The following PTH1R variants were observed in gnomAD, a reference collection of about 807,000 sequenced individuals.
PTH1R encodes the protein parathyroid hormone 1 receptor, also known as parathyroid hormone/parathyroid hormone-related peptide receptor.
PTH1R carries 32 observed loss-of-function variants against 70.7 expected under a neutral mutation model. That is an observed-to-expected ratio of 0.45 (90% CI 0.34 to 0.61). The LOEUF is 0.61. Ranked by LOEUF, PTH1R falls within the 20% of genes least tolerant of loss-of-function variation. PTH1R has a pLI of 0.01. For synonymous variants in PTH1R, 329 were observed against 324.8 expected (o/e 1.01, Z -0.14); for missense variants, 626 against 792.5 (o/e 0.79, Z 2.52).
chr3:46,895,364 C>A (rs148014549), intron 4 of PTH1R, among the ~76,000 whole-genome samples: 1 of 152,180 alleles, frequency 6.6e-6, no homozygotes, highest in Non-Finnish European at 1.5e-5. Flanking sequence ...CTGCTTTCAC[C>A]GTGCGCCCCC....
rs1407425824 is a variant in PTH1R at position 46,882,964 on chromosome 3, T to C, written c.-48-548T>C. 6.6e-6 allele frequency among the ~76,000 whole-genome samples: 1 copy of C among 150,596 alleles called. No homozygotes were observed. The highest frequency in any genetic ancestry group is 2.4e-5 in the African/African-American group (1 of 40,912). ...CAAAGTTGAGATCGCACCCCCTAAC[T>C]GCACGCCCCGCGCGGCTCAGAACGC... On this transcript the variant is annotated intron_variant, in intron 2 of 15. Coordinates refer to ENST00000449590, the MANE Select transcript of PTH1R (RefSeq NM_000316.3). This position sits in a 1 kb window ranked among gnomAD's most constrained non-coding sequence, Gnocchi z 4.3.
chr3:46,898,670 A>T lies in PTH1R; in HGVS notation c.647A>T (p.His216Leu). The T allele has an allele frequency of 2.5e-6, 4 of 1,612,266 alleles. No individual in the cohort carries two copies. The highest frequency in any genetic ancestry group is 3.4e-6 in the Non-Finnish European group (4 of 1,179,734). The change falls in exon 9 of 16, where the codon CAC becomes CTC. Residue 216 changes from histidine to leucine, a missense_variant. Physicochemically the swap from His to Leu is moderately conservative, Grantham distance 99. Coordinates refer to ENST00000449590, the MANE Select transcript of PTH1R (RefSeq NM_000316.3). ...TGTCGCGCGCCCCGCAGGCGGCTGCACTGCACGCGCAACTACATCCACATG... is the reference window on the plus strand; with the variant it reads ...TGTCGCGCGCCCCGCAGGCGGCTGCTCTGCACGCGCAACTACATCCACATG... Reference protein sequence around the residue: ...VLILAYFRRLHCTRNYIHMHL... With the variant: ...VLILAYFRRLLCTRNYIHMHL...
intron 3 of PTH1R, among the ~76,000 whole-genome samples, chr3:46,890,042 G>A (rs189938925): frequency 6.6e-6 from 1 of 152,292 alleles, no homozygotes; most frequent in East Asian, 1.9e-4. Context: ...TCCTCAGTCA[G>A]GGCAGAGGCA....
rs568209780 is a variant in PTH1R at position 46,903,633 on chromosome 3, G to A, written c.1759G>A (p.Glu587Lys). 2 of 1,611,248 alleles carry A rather than the reference G, an allele frequency of 1.2e-6. No homozygotes were observed. Among genetic ancestry groups the A allele is most frequent in the Admixed American group, 3.3e-5 (2 of 60,032 alleles). The change falls in exon 16 of 16, where the codon GAA (glutamate) becomes AAA (lysine). Residue 587 changes from glutamate (E) to lysine (K), a missense_variant. Physicochemically the swap from Glu to Lys is moderately conservative, Grantham distance 56 (BLOSUM62 1). This residue lies in a region of PTH1R where 495 missense variants were observed against 638.7 expected (regional missense o/e 0.77). Coordinates refer to ENST00000449590, the MANE Select transcript of PTH1R (RefSeq NM_000316.3). The surrounding 1 kb of genome is among the most constrained non-coding windows in gnomAD (Gnocchi z 4.4). ...GPERPPALLQ[E>K]EWETVM ...TGAGCGGCCACCTGCCCTGCTACAG[G>A]AAGAGTGGGAGACAGTCATGTGACC...
chr3:46,879,271 G>C lies in PTH1R; in HGVS notation c.-106+1428G>C, dbSNP rs1367239917. Among the ~76,000 whole-genome samples, 1 of 152,200 alleles carries C rather than the reference G, an allele frequency of 6.6e-6. No individual in the cohort carries two copies. The highest frequency in any genetic ancestry group is 2.4e-5 in the African/African-American group (1 of 41,440). On this transcript the variant is annotated intron_variant, in intron 1 of 15. Transcript: ENST00000449590. The surrounding 1 kb of genome is among the most constrained non-coding windows in gnomAD (Gnocchi z 4.7). ...TCATCCTCCCAAGTACAAGTAGTAT[G>C]TTTCCAAATCTCAAGTTTTCCCTGG...
chr3:46,892,501 G>A lies in PTH1R; in HGVS notation c.76-1406G>A, dbSNP rs2031482170. Among the ~76,000 whole-genome samples, 1 of 152,194 alleles carries A rather than the reference G, an allele frequency of 6.6e-6. No individual in the cohort carries two copies. On this transcript the variant is annotated intron_variant, in intron 3 of 15. Transcript: ENST00000449590. The surrounding 1 kb of genome is among the most constrained non-coding windows in gnomAD (Gnocchi z 5.2). ...CGCGCACGCACAGGGACGCGCACGC[G>A]GCTCCGCTAAGTGGAACCAGCAGAA...
chr3:46,895,063 C>CAAAA (rs66702283), intron 4 of PTH1R, among the ~76,000 whole-genome samples: 1 of 52,860 alleles, frequency 1.9e-5, no homozygotes, highest in African/African-American at 4.4e-5. Context: ...GACCTTGTCT[C>CAAAA]AAAAAAAAAA....
chr3:46,892,842 G>A lies in PTH1R; in HGVS notation c.76-1065G>A. On this transcript the variant is annotated intron_variant, in intron 3 of 15. Coordinates refer to ENST00000449590, the MANE Select transcript of PTH1R (RefSeq NM_000316.3). This position sits in a 1 kb window ranked among gnomAD's most constrained non-coding sequence, Gnocchi z 5.2. ...TAGGGATGGAGGGGGTCGTCTCAGG[G>A]GACATACCCCTGCCCAGGGGTCTGA... is the stretch of plus-strand genomic sequence containing the variant. 3.1e-6 allele frequency: 3 copies of A among 977,672 alleles called. No homozygotes were observed. Among genetic ancestry groups the A allele is most frequent in the Non-Finnish European group, 3.6e-6 (3 of 822,772 alleles). 60.6% of individuals were successfully genotyped at this position (977,672 alleles called of 1,614,324 possible).
chr3:46,888,415 G>C (rs1051326755), intron 3 of PTH1R, among the ~76,000 whole-genome samples: 4 of 152,240 alleles, frequency 2.6e-5, no homozygotes, highest in African/African-American at 9.6e-5. Context: ...GTTTTAATGA[G>C]GCGTCAAGTA....
At chr3:46,885,897 G>A (rs759316363) in intron 3 of PTH1R, among the ~76,000 whole-genome samples, 8 of 152,114 alleles carry the variant, frequency 5.3e-5, no homozygotes, top group East Asian at 1.9e-4. Flanking sequence ...TCTCATGGCC[G>A]GTCACCAAAC....
At chr3:46,890,156 T>C (rs899998011) in intron 3 of PTH1R, among the ~76,000 whole-genome samples, 1 of 152,108 alleles carries the variant, frequency 6.6e-6, no homozygotes, top group African/African-American at 2.4e-5. Context: ...CAAGGAGCCA[T>C]TGGGATACTC....
At position 46,898,371 on chromosome 3, in the gene PTH1R, C is replaced by T. The variant is rs199783503; in HGVS notation, c.544-7C>T. 49 of 1,613,472 alleles carry T rather than the reference C, an allele frequency of 3.0e-5. No individual in the cohort carries two copies. Among genetic ancestry groups the T allele is most frequent in the Non-Finnish European group, 3.9e-5 (46 of 1,179,622 alleles). On this transcript the variant is annotated splice_polypyrimidine_tract_variant and splice_region_variant and intron_variant, in intron 7 of 15. Coordinates refer to ENST00000449590, the MANE Select transcript of PTH1R (RefSeq NM_000316.3). The stretch of plus-strand genomic sequence containing the variant: ...GCTCTGACTGTGTCTCCCCCCGCCC[C>T]GCACAGGAGGTGTTTGACCGCCTGG...
chr3:46,891,707 G>A lies in PTH1R; in HGVS notation c.76-2200G>A, dbSNP rs940088768. On this transcript the variant is annotated intron_variant, in intron 3 of 15. Coordinates refer to ENST00000449590, the MANE Select transcript of PTH1R (RefSeq NM_000316.3). The surrounding 1 kb of genome is among the most constrained non-coding windows in gnomAD (Gnocchi z 4.3). ...TGTTGCCTTGGTGATGCTGGAGGTG[G>A]TGGCAGTGGTGCTGGTGCTGGTGAT... 1.3e-5 allele frequency among the ~76,000 whole-genome samples: 2 copies of A among 152,164 alleles called. No individual in the cohort carries two copies. Among genetic ancestry groups the A allele is most frequent in the African/African-American group, 4.8e-5 (2 of 41,430 alleles).
chr3:46,890,663 G>A (rs952660134), intron 3 of PTH1R, among the ~76,000 whole-genome samples: 1 of 151,994 alleles, frequency 6.6e-6, no homozygotes, highest in Non-Finnish European at 1.5e-5. Flanking sequence ...ACCACACCCA[G>A]CTAATTTTGT....
In PTH1R at chr3:46,901,645, C is replaced by G. The variant is rs1193075048; in HGVS notation, c.1117-121C>G. ...CACACTCCAGCCCAGAAAGGAAAAC[C>G]AAGGGCTCAAGGAGCCACCCAGAGA... On this transcript the variant is annotated intron_variant, in intron 12 of 15. Coordinates refer to ENST00000449590, the MANE Select transcript of PTH1R (RefSeq NM_000316.3). The surrounding 1 kb of genome is among the most constrained non-coding windows in gnomAD (Gnocchi z 7.3). 2.2e-6 allele frequency: 3 copies of G among 1,377,380 alleles called. No individual in the cohort carries two copies. Among genetic ancestry groups the G allele is most frequent in the Non-Finnish European group, 3.1e-6 (3 of 980,588 alleles). The allele number at this position is 1,377,380 out of a possible 1,614,324, so 85.3% of individuals were successfully genotyped here. A position where few individuals can be genotyped will look rare whatever the true frequency, so the allele number is the denominator to read the frequency against.
chr3:46,888,276 G>A (rs1038480396), intron 3 of PTH1R, among the ~76,000 whole-genome samples: 9 of 152,206 alleles, frequency 5.9e-5, no homozygotes, highest in African/African-American at 1.9e-4. Flanking sequence ...TGTCTTTTTC[G>A]TATTGATTTG....
Position 46,901,298 on chromosome 3 carries a change from C to A in PTH1R, c.1050-116C>A, listed in dbSNP as rs2032099162. ...AGGCCTCAGGCCTGGCCACACCCAG[C>A]ACCCCTGCCCTGTGTCCTCAACAGC... On this transcript the variant is annotated intron_variant, in intron 11 of 15. Coordinates refer to ENST00000449590, the MANE Select transcript of PTH1R (RefSeq NM_000316.3). The surrounding 1 kb of genome is among the most constrained non-coding windows in gnomAD (Gnocchi z 7.3). 17 of 1,376,804 alleles carry A rather than the reference C, an allele frequency of 1.2e-5. No individual in the cohort carries two copies. The highest frequency in any genetic ancestry group is 1.7e-5 in the Non-Finnish European group (17 of 993,060). The allele number at this position is 1,376,804 out of a possible 1,614,324, so 85.3% of individuals were successfully genotyped here.
At chr3:46,886,827 A>G (rs888913196) in intron 3 of PTH1R, among the ~76,000 whole-genome samples, 3 of 152,174 alleles carry the variant, frequency 2.0e-5, no homozygotes, top group Non-Finnish European at 4.4e-5. Flanking sequence ...GCACAGCAGG[A>G]TTTGAACCCA....
At position 46,898,142 on chromosome 3, in the gene PTH1R, G is replaced by A; in HGVS notation, c.493G>A (p.Ala165Thr). The change falls in exon 7 of 16, where the codon GCC becomes ACC. Residue 165 changes from alanine (A) to threonine (T), a missense_variant. Physicochemically the swap from Ala to Thr is moderately conservative, Grantham distance 58. This residue lies in a region of PTH1R where 495 missense variants were observed against 638.7 expected (regional missense o/e 0.77). Transcript: ENST00000449590. ...ELVPGHNRTW[A>T]NYSECVKFLT... ...GGTGCCTGGGCACAACAGGACGTGG[G>A]CCAACTACAGCGAGTGTGTCAAATT... 1.9e-6 allele frequency: 3 copies of A among 1,614,226 alleles called. No homozygotes were observed. The highest frequency in any genetic ancestry group is 2.5e-6 in the Non-Finnish European group (3 of 1,180,036).
Sources: gnomAD v4.1 joint callset for allele counts (sites outside exome capture counted in the v4.1 genomes callset) on GRCh38, gnomAD v4.1.1 for gene constraint, gnomAD v4.1.1 regional missense constraint, Gnocchi (gnomAD v3.1) non-coding constraint, MANE v1.5 for transcripts, NCBI Gene and HGNC (gene_info 2026-07-23, HGNC 2026-07-21) for gene names.